GRIA1: variants seen among roughly 807,000 people sequenced by gnomAD.
GRIA1 encodes glutamate receptor 1.
Under a neutral mutation model 99.2 loss-of-function variants are expected in GRIA1, and 31 were observed. The observed-to-expected ratio is 0.31, with a 90% confidence interval of 0.23 to 0.42. The LOEUF (loss-of-function observed/expected upper bound fraction) is 0.42, where lower values mean the gene tolerates loss of function less well. GRIA1 is among the 10% of genes least tolerant of loss of function. GRIA1 has a pLI of 1.00. For missense variants in GRIA1, 782 were observed against 1,157.5 expected (o/e 0.68, Z 4.71); for synonymous variants, 438 against 432.4 (o/e 1.01, Z -0.16).
intron 2 of GRIA1, among the ~76,000 whole-genome samples, chr5:153,561,541 C>T (rs1761124461): frequency 6.6e-6 from 1 of 152,158 alleles, no homozygotes; most frequent in Non-Finnish European, 1.5e-5. Flanking sequence ...GTCCATGTAA[C>T]TGCTAGTTAC....
At chr5:153,692,829 CA>C (rs1205651831) in intron 8 of GRIA1, among the ~76,000 whole-genome samples, 1 of 152,068 alleles carries the variant, frequency 6.6e-6, no homozygotes, top group East Asian at 1.9e-4. Context: ...GGAAGTTTAT[CA>C]AATGTTTCTG....
At chr5:153,784,752 G>C (rs1764867144) in intron 13 of GRIA1, among the ~76,000 whole-genome samples, 1 of 152,260 alleles carries the variant, frequency 6.6e-6, no homozygotes, top group Non-Finnish European at 1.5e-5. Context: ...TGAGTTGTCT[G>C]CCCAGTCAGT....
intron 11 of GRIA1, among the ~76,000 whole-genome samples, chr5:153,763,621 A>G (rs2149607136): frequency 6.6e-6 from 1 of 152,318 alleles, no homozygotes; most frequent in East Asian, 1.9e-4. Context: ...ATCTTGTAAT[A>G]TCTTGGGAAG....
chr5:153,621,674 T>G (rs1053070190), intron 2 of GRIA1, among the ~76,000 whole-genome samples: 2 of 152,058 alleles, frequency 1.3e-5, no homozygotes, highest in African/African-American at 2.4e-5. Context: ...CCAGCCTGCC[T>G]CTCCCAAAGC....
intron 2 of GRIA1, among the ~76,000 whole-genome samples, chr5:153,572,091 A>G (rs1028908826): frequency 6.6e-6 from 1 of 152,236 alleles, no homozygotes; most frequent in Non-Finnish European, 1.5e-5. Context: ...TCATCAGAGA[A>G]TGGTTGTGTA....
intron 2 of GRIA1, among the ~76,000 whole-genome samples, chr5:153,610,854 T>G (rs917657465): frequency 6.6e-6 from 1 of 152,224 alleles, no homozygotes; most frequent in Non-Finnish European, 1.5e-5. Flanking sequence ...AATTTTGTTT[T>G]AGTATTATAA....
chr5:153,575,619 C>G (rs1053840180), intron 2 of GRIA1, among the ~76,000 whole-genome samples: 1 of 152,180 alleles, frequency 6.6e-6, no homozygotes, highest in Non-Finnish European at 1.5e-5. Flanking sequence ...GAGTCACCTG[C>G]CTTCCCAGGC....
chr5:153,586,285 T>C (rs1038649270), intron 2 of GRIA1, among the ~76,000 whole-genome samples: 1 of 152,228 alleles, frequency 6.6e-6, no homozygotes, highest in South Asian at 2.1e-4. Context: ...AAGAATATGA[T>C]AGTAACTTAA....
In GRIA1 at chr5:153,674,678, C is replaced by T. The variant is rs1756443084; in HGVS notation, c.861+17C>T. On this transcript the variant is annotated intron_variant, in intron 6 of 15. Transcript: ENST00000285900. ...AGACCCAAGGTGAGTGGATGGGCAG[C>T]CAGCAGCAAAGGGCCAGCCTGGTCC... is the stretch of plus-strand genomic sequence containing the variant. 1.2e-6 allele frequency: 2 copies of T among 1,612,424 alleles called. No individual in the cohort carries two copies. Among genetic ancestry groups the T allele is most frequent in the Admixed American group, 3.3e-5 (2 of 59,954 alleles).
intron 4 of GRIA1, among the ~76,000 whole-genome samples, chr5:153,650,737 T>C (rs1425097313): frequency 6.8e-6 from 1 of 147,500 alleles, no homozygotes; most frequent in Non-Finnish European, 1.5e-5. Flanking sequence ...CTCAGACCTG[T>C]TAACTCCAAT....
At chr5:153,525,901 G>A (rs1406243700) in intron 2 of GRIA1, among the ~76,000 whole-genome samples, 3 of 152,220 alleles carry the variant, frequency 2.0e-5, no homozygotes, top group African/African-American at 4.8e-5. Flanking sequence ...TTTGATTGCC[G>A]CAACTTTGTT....
chr5:153,657,680 G>T (rs1430469273), intron 5 of GRIA1, among the ~76,000 whole-genome samples: 1 of 152,116 alleles, frequency 6.6e-6, no homozygotes, highest in Admixed American at 6.6e-5. Context: ...TTCTGACCTG[G>T]TATCCAGCCT....
chr5:153,691,048 C>A (rs1757708408), intron 8 of GRIA1, among the ~76,000 whole-genome samples: 1 of 152,180 alleles, frequency 6.6e-6, no homozygotes, highest in African/African-American at 2.4e-5. Flanking sequence ...AGGCCTATTT[C>A]CTGTTCACTC....
intron 8 of GRIA1, among the ~76,000 whole-genome samples, chr5:153,696,780 A>C (rs1291347074): frequency 6.6e-6 from 1 of 152,204 alleles, no homozygotes; most frequent in Non-Finnish European, 1.5e-5. Flanking sequence ...TCACAAAACA[A>C]AACACAATTG....
intron 2 of GRIA1, among the ~76,000 whole-genome samples, chr5:153,584,045 A>G (rs1043242397): frequency 1.1e-4 from 16 of 152,206 alleles, no homozygotes; most frequent in Admixed American, 9.2e-4. Flanking sequence ...CAGTGTAACT[A>G]GAGGGGCATT....
Position 153,792,456 on chromosome 5 carries a change from C to T in GRIA1, c.2271-2165C>T, listed in dbSNP as rs114099024. Reference sequence around the variant, plus strand: ...TCTCTCTTTTAGTTGATCCCTATAGCTTCCCTTGCTGTGCCCAGTTCCCTT... The same window carrying T: ...TCTCTCTTTTAGTTGATCCCTATAGTTTCCCTTGCTGTGCCCAGTTCCCTT... On this transcript the variant is annotated intron_variant, in intron 13 of 15. Coordinates refer to ENST00000285900, the MANE Select transcript of GRIA1 (RefSeq NM_000827.4). Among the ~76,000 whole-genome samples the T allele has an allele frequency of 5.3e-3, 808 of 152,304 alleles. 1 individual carries two copies. Among genetic ancestry groups the T allele is most frequent in the African/African-American group, 0.018 (766 of 41,574 alleles).
chr5:153,712,043 AATTT>A (rs1458857707), intron 11 of GRIA1, among the ~76,000 whole-genome samples: 1 of 151,564 alleles, frequency 6.6e-6, no homozygotes, highest in Non-Finnish European at 1.5e-5. Context: ...TCCCTCCACT[AATTT>A]ATTTATTTAT....
chr5:153,650,911 A>AT (rs1273447300), intron 4 of GRIA1, among the ~76,000 whole-genome samples: 11 of 150,058 alleles, frequency 7.3e-5, no homozygotes, highest in African/African-American at 2.7e-4. Flanking sequence ...AAAAAAAAAA[A>AT]AAAAAAAAAA....
At chr5:153,633,882 A>G (rs1753152170) in intron 2 of GRIA1, among the ~76,000 whole-genome samples, 1 of 152,222 alleles carries the variant, frequency 6.6e-6, no homozygotes, top group Non-Finnish European at 1.5e-5. Context: ...GGTAGATGCT[A>G]GGACAATAGT....
Sources: gnomAD v4.1 joint callset for allele counts (sites outside exome capture counted in the v4.1 genomes callset) on GRCh38, gnomAD v4.1.1 for gene constraint, MANE v1.5 for transcripts, NCBI Gene and HGNC (gene_info 2026-07-23, HGNC 2026-07-21) for gene names.